PRDM16: variants seen among roughly 807,000 people sequenced by gnomAD.
PRDM16 encodes histone-lysine N-methyltransferase PRDM16.
Under a neutral mutation model 110.6 loss-of-function variants are expected in PRDM16, and 23 were observed. The observed-to-expected ratio is 0.21, with a 90% CI of 0.15 to 0.29. The LOEUF (loss-of-function observed/expected upper bound fraction) is 0.29. PRDM16 is among the 10% of genes least tolerant of loss of function. The pLI is 1.00. For synonymous variants in PRDM16, 799 were observed against 781.8 expected, an observed-to-expected ratio of 1.02 and a Z score of -0.37; for missense variants, 1,615 against 1,794.3, an observed-to-expected ratio of 0.90 and a Z score of 1.81.
intron 1 of PRDM16, among the ~76,000 whole-genome samples, chr1:3,159,656 G>A (rs985509436): frequency 5.3e-5 from 8 of 152,334 alleles, no homozygotes; most frequent in Middle Eastern, 3.4e-3. Flanking sequence ...CAGCCCACAC[G>A]GGTGGGTGGT....
At chr1:3,181,851 CTT>C (rs1644210309) in intron 1 of PRDM16, among the ~76,000 whole-genome samples, 2 of 97,112 alleles carry the variant, frequency 2.1e-5, no homozygotes. Flanking sequence ...TACACACGGT[CTT>C]ACACACGCAG....
intron 2 of PRDM16, among the ~76,000 whole-genome samples, chr1:3,227,297 C>A (rs1276463638): frequency 1.3e-5 from 2 of 152,234 alleles, no homozygotes; most frequent in African/African-American, 2.4e-5. Flanking sequence ...CCTGTTATTT[C>A]TATTATTTAT....
At chr1:3,360,182 C>T (rs1173395788) in intron 3 of PRDM16, among the ~76,000 whole-genome samples, 1 of 152,214 alleles carries the variant, frequency 6.6e-6, no homozygotes, top group Non-Finnish European at 1.5e-5. Flanking sequence ...ACGGGAGGCC[C>T]AGGACACGTT....
intron 3 of PRDM16, among the ~76,000 whole-genome samples, chr1:3,256,476 G>T (rs1056120088): frequency 6.6e-6 from 1 of 152,144 alleles, no homozygotes; most frequent in African/African-American, 2.4e-5. Context: ...TTCATCACGG[G>T]GGAATTGCGG....
intron 3 of PRDM16, among the ~76,000 whole-genome samples, chr1:3,325,454 C>A (rs1303683719): frequency 6.6e-6 from 1 of 152,216 alleles, no homozygotes; most frequent in Admixed American, 6.5e-5. Context: ...AGTAGAGGCA[C>A]ACACAAGTCC....
At chr1:3,150,389 C>CAAAA (rs34595741) in intron 1 of PRDM16, among the ~76,000 whole-genome samples, 1 of 104,498 alleles carries the variant, frequency 9.6e-6, no homozygotes. Context: ...AACCCCATCT[C>CAAAA]AAAAAAAAAA....
rs535113580 is a variant in PRDM16, at chr1:3,402,173, G to A, written c.677-618G>A. 2.3e-4 allele frequency among the ~76,000 whole-genome samples: 35 copies of A among 152,308 alleles called. No individual in the cohort carries two copies. The South Asian group carries it at 3.5e-3, about 15-fold the overall frequency. On this transcript the variant is annotated intron_variant, in intron 5 of 16. Coordinates refer to ENST00000270722, the MANE Select transcript of PRDM16 (RefSeq NM_022114.4). ...CAGTGCCAGCGTTCTTTCCAGAGCC[G>A]GGGGGATGAGGCATCTTGTTGGGGG...
chr1:3,349,807 C>T (rs1222687158), intron 3 of PRDM16, among the ~76,000 whole-genome samples: 8 of 152,216 alleles, frequency 5.3e-5, no homozygotes, highest in South Asian at 4.1e-4. Flanking sequence ...CTGCTGGCCA[C>T]GGTGCTGGGC....
At chr1:3,123,933 TG>T (rs1223096479) in intron 1 of PRDM16, among the ~76,000 whole-genome samples, 1 of 152,130 alleles carries the variant, frequency 6.6e-6, no homozygotes, top group Non-Finnish European at 1.5e-5. Context: ...TGGGCTCGGG[TG>T]GGGCAGCTCA....
At chr1:3,135,566 C>T (rs1035737594) in intron 1 of PRDM16, among the ~76,000 whole-genome samples, 1 of 152,106 alleles carries the variant, frequency 6.6e-6, no homozygotes, top group African/African-American at 2.4e-5. Context: ...AGCCCTCCCC[C>T]TCCGTGGCCC....
intron 1 of PRDM16, among the ~76,000 whole-genome samples, chr1:3,122,947 G>A (rs530410632): frequency 3.9e-5 from 6 of 152,336 alleles, no homozygotes; most frequent in African/African-American, 1.4e-4. Context: ...GGGAGCCCGA[G>A]GCCTGGGGGA....
intron 1 of PRDM16, among the ~76,000 whole-genome samples, chr1:3,169,587 G>A (rs1449090962): frequency 6.6e-6 from 1 of 152,182 alleles, no homozygotes; most frequent in Non-Finnish European, 1.5e-5. Flanking sequence ...GTTGCTGAGG[G>A]GCAGAGTATC....
intron 2 of PRDM16, among the ~76,000 whole-genome samples, chr1:3,224,220 A>G (rs779251756): frequency 2.5e-4 from 38 of 152,334 alleles, no homozygotes; most frequent in Non-Finnish European, 4.9e-4. Context: ...ACACAATTAA[A>G]TGCTGCGAAG....
chr1:3,188,410 G>A (rs563191088), intron 2 of PRDM16, among the ~76,000 whole-genome samples: 2 of 152,134 alleles, frequency 1.3e-5, no homozygotes, highest in Admixed American at 6.5e-5. Context: ...CCATGTCCGC[G>A]TGGTGCCAGG....
rs138655327 is a variant in PRDM16, at chr1:3,411,906, C to A, written c.1709C>A (p.Thr570Lys). Residue 570 changes from threonine (T) to lysine (K), a missense_variant, in exon 9 of 17, where the codon ACG becomes AAG. Around this residue, in one of 5 missense-constraint regions of PRDM16, gnomAD observed 772 missense variants for 748.3 expected, o/e 1.03. Coordinates refer to ENST00000270722, the MANE Select transcript of PRDM16 (RefSeq NM_022114.4). ...GTCAGCAACAGCAGCCAGGGCACGA[C>A]GGCAGCTGCGGGGCCCGAGGAGAAG... ...SAVSNSSQGT[T>K]AAAGPEEKFE... 9.3e-6 allele frequency: 15 copies of A among 1,613,620 alleles called. No individual in the cohort carries two copies. The highest frequency in any genetic ancestry group is 1.3e-5 in the Non-Finnish European group (15 of 1,179,824).
chr1:3,421,069 A>G (rs1433391433), intron 12 of PRDM16, among the ~76,000 whole-genome samples: 3 of 152,234 alleles, frequency 2.0e-5, no homozygotes, highest in Non-Finnish European at 4.4e-5. Flanking sequence ...TTGTGCTTCC[A>G]TCGGGGGCTG....
chr1:3,307,264 A>T (rs1269022096), intron 3 of PRDM16: 1 of 152,148 alleles, frequency 6.6e-6, no homozygotes, highest in African/African-American at 2.4e-5. Context: ...TATTTTCCAT[A>T]GTGGCTGCAC....
chr1:3,407,532 G>C (rs557665080), intron 8 of PRDM16, among the ~76,000 whole-genome samples: 1 of 152,340 alleles, frequency 6.6e-6, no homozygotes, highest in Non-Finnish European at 1.5e-5. Flanking sequence ...GGGGCGGGGG[G>C]TGACTGCTCC....
intron 8 of PRDM16, among the ~76,000 whole-genome samples, chr1:3,406,067 C>T (rs1643556835): frequency 6.6e-6 from 1 of 152,244 alleles, no homozygotes; most frequent in African/African-American, 2.4e-5. Flanking sequence ...TCTCAGCAGA[C>T]ACCCACTGGG....
Sources: gnomAD v4.1 joint callset for allele counts (sites outside exome capture counted in the v4.1 genomes callset) on GRCh38, gnomAD v4.1.1 for gene constraint, gnomAD v4.1.1 regional missense constraint, MANE v1.5 for transcripts, NCBI Gene and HGNC (gene_info 2026-07-23, HGNC 2026-07-21) for gene names.